GRIN2B: variants seen among roughly 807,000 people sequenced by gnomAD.
GRIN2B encodes glutamate receptor ionotropic, NMDA 2B.
In GRIN2B, 5 loss-of-function variants were observed where a neutral mutation model predicts 114.5. That is an observed-to-expected ratio of 0.04 (90% CI 0.02 to 0.09). GRIN2B has a LOEUF of 0.09. Ranked by LOEUF, GRIN2B falls within the 10% of genes least tolerant of loss-of-function variation. The probability of loss-of-function intolerance (pLI) is 1.00; values close to 1 mark genes in which losing one functional copy is unlikely to be tolerated. For missense variants in GRIN2B, 1,108 were observed against 1,943.5 expected (o/e 0.57, Z 8.08); for synonymous variants, 787 against 745.1 (o/e 1.06, Z -0.92).
chr12:13,758,619 G>C (rs1863621477), intron 3 of GRIN2B, among the ~76,000 whole-genome samples: 1 of 152,194 alleles, frequency 6.6e-6, no homozygotes, highest in Admixed American at 6.5e-5. Flanking sequence ...ACAAGAGCTG[G>C]ATTATTATCT....
intron 12 of GRIN2B, among the ~76,000 whole-genome samples, chr12:13,568,689 C>T (rs376523217): frequency 6.6e-6 from 1 of 152,216 alleles, no homozygotes. Context: ...GAGATAGCCA[C>T]TTGGCTGATG....
intron 2 of GRIN2B, among the ~76,000 whole-genome samples, chr12:13,878,385 C>A (rs1049408183): frequency 4.6e-5 from 7 of 152,242 alleles, no homozygotes; most frequent in Non-Finnish European, 7.3e-5. Flanking sequence ...TTGCTCCCAC[C>A]TTCCTCCTTC....
At chr12:13,635,775 G>A (rs1273047285) in intron 5 of GRIN2B, among the ~76,000 whole-genome samples, 1 of 145,114 alleles carries the variant, frequency 6.9e-6, no homozygotes, top group South Asian at 2.1e-4. Context: ...GCTGAGAAAG[G>A]TATTTTATAC....
chr12:13,963,270 C>A (rs1234480156), intron 2 of GRIN2B, among the ~76,000 whole-genome samples: 1 of 152,176 alleles, frequency 6.6e-6, no homozygotes, highest in Non-Finnish European at 1.5e-5. Flanking sequence ...TTCTGTAACA[C>A]TCCCAATTTC....
chr12:13,972,602 C>T (rs1862945886), intron 2 of GRIN2B, among the ~76,000 whole-genome samples: 1 of 152,144 alleles, frequency 6.6e-6, no homozygotes, highest in Non-Finnish European at 1.5e-5. Context: ...TCCAAGGGGG[C>T]TCTTGGGGGC....
At chr12:13,655,066 T>C (rs1041339470) in intron 5 of GRIN2B, among the ~76,000 whole-genome samples, 5 of 152,152 alleles carry the variant, frequency 3.3e-5, no homozygotes, top group Admixed American at 1.3e-4. Context: ...GAATTAGTAA[T>C]TCCCTGAGTT....
At chr12:13,746,997 G>A (rs541189190) in intron 4 of GRIN2B, among the ~76,000 whole-genome samples, 20 of 152,220 alleles carry the variant, frequency 1.3e-4, no homozygotes, top group Admixed American at 3.3e-4. Flanking sequence ...TAAATTACCC[G>A]GCCTTTAGTA....
At chr12:13,583,666 G>C (rs1383276223) in intron 10 of GRIN2B, among the ~76,000 whole-genome samples, 2 of 152,192 alleles carry the variant, frequency 1.3e-5, no homozygotes, top group Non-Finnish European at 2.9e-5. Flanking sequence ...AGAGCAGGCA[G>C]AGATGGAGCC....
intron 5 of GRIN2B, among the ~76,000 whole-genome samples, chr12:13,652,466 G>T (rs1179241808): frequency 6.6e-6 from 1 of 151,958 alleles, no homozygotes; most frequent in Non-Finnish European, 1.5e-5. Context: ...TGAAGAGTTA[G>T]CCAAGTGCTA....
At chr12:13,820,491 T>C (rs1319790723) in intron 3 of GRIN2B, among the ~76,000 whole-genome samples, 2 of 152,310 alleles carry the variant, frequency 1.3e-5, no homozygotes, top group Non-Finnish European at 1.5e-5. Context: ...TTAGAAATTG[T>C]TTTTCTCTGT....
intron 4 of GRIN2B, among the ~76,000 whole-genome samples, chr12:13,715,248 G>A (rs1339948850): frequency 2.0e-5 from 3 of 151,812 alleles, no homozygotes; most frequent in Non-Finnish European, 2.9e-5. Flanking sequence ...AAGCCTCTCC[G>A]TTATCATCAC....
chr12:13,844,452 C>G (rs538525358), intron 3 of GRIN2B, among the ~76,000 whole-genome samples: 1 of 152,138 alleles, frequency 6.6e-6, no homozygotes, highest in Non-Finnish European at 1.5e-5. Context: ...CCCATCAAAG[C>G]TATTCATTTA....
At chr12:13,862,079 C>G (rs1450320079) in intron 3 of GRIN2B, among the ~76,000 whole-genome samples, 2 of 152,176 alleles carry the variant, frequency 1.3e-5, no homozygotes, top group Non-Finnish European at 2.9e-5. Flanking sequence ...CCAGCTTGGA[C>G]TCTAAATTCT....
chr12:13,857,714 T>C (rs1865687419), intron 3 of GRIN2B, among the ~76,000 whole-genome samples: 1 of 152,136 alleles, frequency 6.6e-6, no homozygotes, highest in Admixed American at 6.5e-5. Flanking sequence ...ACACTGTCTG[T>C]TGACTAGCCC....
chr12:13,932,334 T>C (rs952470055), intron 2 of GRIN2B, among the ~76,000 whole-genome samples: 8 of 152,202 alleles, frequency 5.3e-5, no homozygotes, highest in African/African-American at 1.9e-4. Flanking sequence ...CCCTAAACTC[T>C]CTATATTTGT....
At chr12:13,598,401 G>A (rs1246173025) in intron 10 of GRIN2B, among the ~76,000 whole-genome samples, 1 of 152,164 alleles carries the variant, frequency 6.6e-6, no homozygotes, top group Non-Finnish European at 1.5e-5. Context: ...TTGAGAAACA[G>A]ATCTATCTGG....
At chr12:13,850,403 A>G (rs1024327652) in intron 3 of GRIN2B, among the ~76,000 whole-genome samples, 1 of 152,130 alleles carries the variant, frequency 6.6e-6, no homozygotes, top group Non-Finnish European at 1.5e-5. Context: ...CATCCAGTTG[A>G]AAGTGTTCTG....
intron 3 of GRIN2B, among the ~76,000 whole-genome samples, chr12:13,833,205 A>C (rs1324144794): frequency 1.3e-5 from 2 of 152,222 alleles, no homozygotes; most frequent in African/African-American, 4.8e-5. Flanking sequence ...GTATTAACTC[A>C]TGGGTATATC....
At chr12:13,687,471 C>T (rs1417029846) in intron 4 of GRIN2B, among the ~76,000 whole-genome samples, 2 of 152,198 alleles carry the variant, frequency 1.3e-5, no homozygotes, top group African/African-American at 2.4e-5. Flanking sequence ...CTCTGAGATG[C>T]ATTCACAGCC....
Sources: gnomAD v4.1 joint callset for allele counts (sites outside exome capture counted in the v4.1 genomes callset) on GRCh38, gnomAD v4.1.1 for gene constraint, MANE v1.5 for transcripts, NCBI Gene and HGNC (gene_info 2026-07-23, HGNC 2026-07-21) for gene names.